Variants in RFX7 observed in about 807,000 individuals in gnomAD.
RFX7 encodes regulatory factor X7.
A neutral mutation model predicts 111.8 loss-of-function variants in RFX7; 26 were observed. That is an observed-to-expected ratio of 0.23 (90% CI 0.17 to 0.32). The LOEUF is 0.32. RFX7 is among the 10% of genes least tolerant of loss of function. RFX7 has a pLI of 1.00. For missense variants in RFX7, 1,573 were observed against 1,772.9 expected, an observed-to-expected ratio of 0.89 and a Z score of 2.02; for synonymous variants, 624 against 624.4, an observed-to-expected ratio of 1.00 and a Z score of 0.01.
intron 5 of RFX7, among the ~76,000 whole-genome samples, chr15:56,140,372 C>T (rs1054235028): frequency 6.6e-6 from 1 of 152,208 alleles, no homozygotes; most frequent in East Asian, 1.9e-4. Flanking sequence ...GGGAGTGACC[C>T]GATTTTCCAG....
intron 2 of RFX7, among the ~76,000 whole-genome samples, chr15:56,205,318 G>A (rs1441257597): frequency 2.0e-5 from 3 of 152,196 alleles, no homozygotes; most frequent in Non-Finnish European, 2.9e-5. Flanking sequence ...GAACTAACAA[G>A]TCTGAACAAG....
rs2041707473 is a variant in RFX7, at chr15:56,098,200, C to T, written c.988G>A (p.Ala330Thr). The change falls in exon 9 of 10, where the codon GCA (alanine) becomes ACA (threonine). Residue 330 changes from alanine (A) to threonine (T), a missense_variant. Ala to Thr is a moderately conservative substitution (Grantham distance 58). Transcript: ENST00000559447. ...CTTGTAGCACTTTCTGACTTTTTTG[C>T]TGCAGATTCTCCTGGCAAAGGGGAT... Reference protein sequence around the residue: ...LQSPLPGESAAKKSESATSNG... With the variant: ...LQSPLPGESATKKSESATSNG... 3 of 1,613,836 alleles carry T rather than the reference C, an allele frequency of 1.9e-6. No homozygotes were observed. The highest frequency in any genetic ancestry group is 2.5e-6 in the Non-Finnish European group (3 of 1,179,864).
At chr15:56,152,095 C>T (rs2042577573) in intron 3 of RFX7, among the ~76,000 whole-genome samples, 1 of 152,160 alleles carries the variant, frequency 6.6e-6, no homozygotes, top group African/African-American at 2.4e-5. Flanking sequence ...TAGACTCCCA[C>T]ACAATAATAG....
intron 3 of RFX7, among the ~76,000 whole-genome samples, chr15:56,176,492 G>A (rs375603495): frequency 1.3e-5 from 2 of 152,090 alleles, no homozygotes; most frequent in African/African-American, 4.8e-5. Context: ...AATGGCTGAT[G>A]TCCAAAATGT....
chr15:56,175,450 G>A lies in RFX7; in HGVS notation c.195+3820C>T, dbSNP rs74496195. On this transcript the variant is annotated intron_variant, in intron 3 of 9. Transcript: ENST00000559447. ...GTAACTCTGAAATTTGTATGGAAAT[G>A]CCAAAAAATATATGAACCATTTATA... is the stretch of plus-strand genomic sequence containing the variant. Among the ~76,000 whole-genome samples, 48 of 152,122 alleles carry A rather than the reference G, an allele frequency of 3.2e-4. 1 individual carries two copies. The East Asian group carries it at 8.9e-3, about 28-fold the overall frequency.
intron 5 of RFX7, among the ~76,000 whole-genome samples, chr15:56,133,108 A>G (rs2042240807): frequency 1.3e-5 from 2 of 152,282 alleles, no homozygotes; most frequent in South Asian, 4.1e-4. Flanking sequence ...AACTTTCATG[A>G]TGAATATACA....
At chr15:56,146,317 G>T (rs2042470211) in intron 3 of RFX7, among the ~76,000 whole-genome samples, 1 of 151,996 alleles carries the variant, frequency 6.6e-6, no homozygotes, top group Non-Finnish European at 1.5e-5. Context: ...GCCTAGGCTG[G>T]TCTGGAATTC....
At chr15:56,119,161 G>A (rs1437812173) in intron 5 of RFX7, among the ~76,000 whole-genome samples, 2 of 152,062 alleles carry the variant, frequency 1.3e-5, no homozygotes, top group Non-Finnish European at 2.9e-5. Flanking sequence ...TTTGTTAACT[G>A]CTTTCTTTGC....
intron 2 of RFX7, among the ~76,000 whole-genome samples, chr15:56,204,191 G>A (rs1596007333): frequency 6.6e-6 from 1 of 151,780 alleles, no homozygotes; most frequent in East Asian, 1.9e-4. Flanking sequence ...GGCTAATTTT[G>A]TATTTTTAAT....
chr15:56,153,291 C>A (rs985224304), intron 3 of RFX7, among the ~76,000 whole-genome samples: 5 of 152,178 alleles, frequency 3.3e-5, no homozygotes, highest in African/African-American at 1.2e-4. Flanking sequence ...CCCTGATGAA[C>A]ATCGATGTGA....
Position 56,089,809 on chromosome 15 carries a change from A to G in RFX7, c.*3536T>C, listed in dbSNP as rs1331848016. On this transcript the variant is annotated 3_prime_UTR_variant, in exon 10 of 10. Coordinates refer to ENST00000559447, the MANE Select transcript of RFX7 (RefSeq NM_022841.7). The stretch of plus-strand genomic sequence containing the variant: ...CTTTACCTCTCCCTTCCTAATCTCC[A>G]CTCCTTTCCTTTTGTAATTGCTTCT... 3.3e-5 allele frequency: 5 copies of G among 150,664 alleles called. No individual in the cohort carries two copies. The highest frequency in any genetic ancestry group is 6.6e-5 in the Admixed American group (1 of 15,136). 9.3% of individuals were successfully genotyped at this position (150,664 alleles called of 1,614,324 possible).
At chr15:56,241,250 G>A (rs539624686) in intron 2 of RFX7, among the ~76,000 whole-genome samples, 245 of 152,142 alleles carry the variant, frequency 1.6e-3, no homozygotes, top group African/African-American at 5.7e-3. Flanking sequence ...TAAAGTCAGA[G>A]CAGTTAGGCT....
At position 56,212,170 on chromosome 15, in the gene RFX7, T is replaced by C. The variant is rs910175580; in HGVS notation, c.161+30955A>G. ...CTATTAATGGAATATGATTCAGTGCTAAAAAGAAATTAGCTATACAAGACA... is the reference window on the plus strand; with the variant it reads ...CTATTAATGGAATATGATTCAGTGCCAAAAAGAAATTAGCTATACAAGACA... On this transcript the variant is annotated intron_variant, in intron 2 of 9. Transcript: ENST00000559447. Among the ~76,000 whole-genome samples the C allele has an allele frequency of 2.6e-5, 4 of 152,198 alleles. No homozygotes were observed. In the East Asian group the frequency reaches 5.8e-4, roughly 22 times the overall value.
chr15:56,215,960 T>C (rs183253166), intron 2 of RFX7, among the ~76,000 whole-genome samples: 5 of 152,278 alleles, frequency 3.3e-5, no homozygotes, highest in East Asian at 3.9e-4. Flanking sequence ...GTGGGCTTCT[T>C]ACCTCATGAT....
chr15:56,203,454 A>C (rs1567045385), intron 2 of RFX7, among the ~76,000 whole-genome samples: 1 of 152,228 alleles, frequency 6.6e-6, no homozygotes, highest in Non-Finnish European at 1.5e-5. Context: ...TACAAGACTG[A>C]TCATGAAACT....
chr15:56,159,305 A>G (rs373308961), intron 3 of RFX7, among the ~76,000 whole-genome samples: 35 of 152,332 alleles, frequency 2.3e-4, no homozygotes, highest in Middle Eastern at 3.4e-3. Flanking sequence ...CAACGAACTT[A>G]GGAGTAGGTA....
chr15:56,153,244 A>G (rs2042600465), intron 3 of RFX7, among the ~76,000 whole-genome samples: 1 of 152,238 alleles, frequency 6.6e-6, no homozygotes, highest in South Asian at 2.1e-4. Context: ...AAAACCTGGC[A>G]GAGACACAAC....
chr15:56,171,790 T>C (rs1184102372), intron 3 of RFX7, among the ~76,000 whole-genome samples: 1 of 152,172 alleles, frequency 6.6e-6, no homozygotes, highest in African/African-American at 2.4e-5. Context: ...TCTGGAAAAG[T>C]TGAGTTTGAA....
chr15:56,240,725 CA>C (rs1379751933), intron 2 of RFX7, among the ~76,000 whole-genome samples: 1 of 151,944 alleles, frequency 6.6e-6, no homozygotes, highest in Admixed American at 6.6e-5. Context: ...ATAATGGCAC[CA>C]AAGGATGATT....
Sources: allele counts gnomAD v4.1 joint callset (sites outside exome capture counted in the v4.1 genomes callset), GRCh38; gene constraint gnomAD v4.1.1; transcripts MANE v1.5; gene names NCBI Gene and HGNC (gene_info 2026-07-23, HGNC 2026-07-21).